Variants in DCC observed in about 807,000 individuals in gnomAD.
DCC encodes the protein DCC netrin 1 receptor.
DCC carries 58 observed loss-of-function variants against 172.5 expected under a neutral mutation model. The ratio of observed to expected loss-of-function variants is 0.34; its 90% confidence interval spans 0.27 to 0.42. DCC has a LOEUF of 0.42. Ranked by LOEUF, DCC falls within the 10% of genes least tolerant of loss-of-function variation. The pLI, the probability that DCC is intolerant of heterozygous loss-of-function variation, is 1.00. For synonymous variants in DCC, 709 were observed against 644.5 expected, an observed-to-expected ratio of 1.10 and a Z score of -1.52; for missense variants, 1,740 against 1,791.0, an observed-to-expected ratio of 0.97 and a Z score of 0.51.
At chr18:52,661,242 A>C (rs998746196) in intron 1 of DCC, among the ~76,000 whole-genome samples, 1 of 152,222 alleles carries the variant, frequency 6.6e-6, no homozygotes, top group Admixed American at 6.5e-5. Context: ...GTAGCAGTGC[A>C]GAATAAGACA....
chr18:53,219,584 T>C (rs1026712577), intron 12 of DCC, among the ~76,000 whole-genome samples: 1 of 152,162 alleles, frequency 6.6e-6, no homozygotes, highest in South Asian at 2.1e-4. Flanking sequence ...ATCCTTATTC[T>C]TGAACACCAG....
At chr18:53,515,231 C>A (rs1388552784) in intron 27 of DCC, among the ~76,000 whole-genome samples, 1 of 151,954 alleles carries the variant, frequency 6.6e-6, no homozygotes, top group Non-Finnish European at 1.5e-5. Context: ...CAGAAAAAGC[C>A]TTTGACAAAA....
chr18:52,630,594 G>T (rs574029689), intron 1 of DCC, among the ~76,000 whole-genome samples: 6 of 151,942 alleles, frequency 3.9e-5, no homozygotes, highest in Non-Finnish European at 7.4e-5. Context: ...AAGCTGCTTA[G>T]CCCAAACAAA....
intron 12 of DCC, among the ~76,000 whole-genome samples, chr18:53,244,769 G>T (rs2056346043): frequency 6.6e-6 from 1 of 152,080 alleles, no homozygotes; most frequent in Admixed American, 6.6e-5. Flanking sequence ...GGGTCCCTTT[G>T]TAGAGGCTAG....
intron 1 of DCC, among the ~76,000 whole-genome samples, chr18:52,521,324 A>G (rs2144666665): frequency 6.6e-6 from 1 of 152,294 alleles, no homozygotes; most frequent in African/African-American, 2.4e-5. Flanking sequence ...ATGTTCACTG[A>G]ATAATTTTAA....
At chr18:53,096,370 A>G (rs1340621085) in intron 7 of DCC, among the ~76,000 whole-genome samples, 1 of 152,088 alleles carries the variant, frequency 6.6e-6, no homozygotes, top group Non-Finnish European at 1.5e-5. Context: ...AAAATTAACA[A>G]GAGCTTGTAA....
intron 6 of DCC, 122 bp from the exon 7 acceptor site, chr18:53,065,924 C>A: frequency 1.7e-6 from 2 of 1,181,480 alleles, no homozygotes; most frequent in Non-Finnish European, 2.5e-6. Context: ...TGAGACCCCT[C>A]ATGGCCTCTC....
At chr18:52,593,633 A>G (rs996032297) in intron 1 of DCC, among the ~76,000 whole-genome samples, 5 of 152,218 alleles carry the variant, frequency 3.3e-5, no homozygotes, top group Non-Finnish European at 5.9e-5. Flanking sequence ...ACAAACTTTA[A>G]TCACTTATGA....
At chr18:53,253,244 C>T (rs1280306333) in intron 12 of DCC, among the ~76,000 whole-genome samples, 1 of 151,904 alleles carries the variant, frequency 6.6e-6, no homozygotes, top group Non-Finnish European at 1.5e-5. Flanking sequence ...TCCGTCCACC[C>T]CCTCTTCCTA....
chr18:52,561,997 C>T (rs997611651), intron 1 of DCC, among the ~76,000 whole-genome samples: 3 of 152,128 alleles, frequency 2.0e-5, no homozygotes, highest in Non-Finnish European at 2.9e-5. Context: ...GTCTGCTATC[C>T]TTAGCCCTAC....
intron 15 of DCC, among the ~76,000 whole-genome samples, chr18:53,367,446 A>G (rs2058018656): frequency 6.6e-6 from 1 of 152,174 alleles, no homozygotes; most frequent in South Asian, 2.1e-4. Context: ...GAAATATAAC[A>G]AAGTATAGAA....
intron 15 of DCC, among the ~76,000 whole-genome samples, chr18:53,368,003 T>C (rs1343852955): frequency 6.6e-6 from 1 of 152,182 alleles, no homozygotes; most frequent in Non-Finnish European, 1.5e-5. Flanking sequence ...GGCTCTACCA[T>C]ACTGTTTTTC....
chr18:53,443,041 A>T (rs2145133654), intron 22 of DCC, among the ~76,000 whole-genome samples: 1 of 152,346 alleles, frequency 6.6e-6, no homozygotes, highest in Non-Finnish European at 1.5e-5. Context: ...GCAAGTATTG[A>T]TATAGAAGCT....
chr18:52,533,917 A>G (rs966191091), intron 1 of DCC, among the ~76,000 whole-genome samples: 1 of 151,684 alleles, frequency 6.6e-6, no homozygotes, highest in Non-Finnish European at 1.5e-5. Flanking sequence ...TGCTGTTACT[A>G]TTTTTTTTAT....
At chr18:53,057,847 A>G (rs1407394924) in intron 5 of DCC, among the ~76,000 whole-genome samples, 1 of 152,074 alleles carries the variant, frequency 6.6e-6, no homozygotes, top group Non-Finnish European at 1.5e-5. Context: ...ACAAACAAAC[A>G]TATGCTTCAG....
At chr18:52,512,282 T>C (rs992660209) in intron 1 of DCC, among the ~76,000 whole-genome samples, 6 of 152,172 alleles carry the variant, frequency 3.9e-5, no homozygotes, top group Non-Finnish European at 7.3e-5. Context: ...CATTTCCTCC[T>C]TAGCTGCTGC....
intron 8 of DCC, among the ~76,000 whole-genome samples, chr18:53,164,886 G>A (rs552977303): frequency 6.6e-6 from 1 of 152,254 alleles, no homozygotes; most frequent in Admixed American, 6.5e-5. Context: ...TTTCACAAAT[G>A]AGTATGCCTT....
At chr18:52,935,233 C>A (rs987565659) in intron 5 of DCC, among the ~76,000 whole-genome samples, 7 of 151,964 alleles carry the variant, frequency 4.6e-5, no homozygotes, top group African/African-American at 1.7e-4. Flanking sequence ...CATAATAGGT[C>A]TTGTGTAGTT....
intron 1 of DCC, among the ~76,000 whole-genome samples, chr18:52,553,983 C>T (rs1022608461): frequency 1.3e-5 from 2 of 152,072 alleles, no homozygotes; most frequent in South Asian, 2.1e-4. Flanking sequence ...CTCTATAGTA[C>T]ACCAGCTGTA....
Sources: allele counts gnomAD v4.1 joint callset (sites outside exome capture counted in the v4.1 genomes callset), GRCh38; gene constraint gnomAD v4.1.1; transcripts MANE v1.5; gene names NCBI Gene and HGNC (gene_info 2026-07-23, HGNC 2026-07-21).